The following PMP22 variants were observed in gnomAD, a reference collection of about 807,000 sequenced individuals.
The protein encoded by PMP22 is Charcot-Marie-Tooth neuropathy 1A (greatly reduced nerve conduction velocity, hereditary motor sensory neuropathy Ia).
In PMP22, 2 loss-of-function variants were observed where a neutral mutation model predicts 18.9. That is an observed-to-expected ratio of 0.11 (90% CI 0.04 to 0.33). The LOEUF is 0.33. PMP22 is among the 10% of genes least tolerant of loss of function. PMP22 has a pLI of 1.00. For synonymous variants in PMP22, 95 were observed against 89.2 expected, an observed-to-expected ratio of 1.07 and a Z score of -0.37; for missense variants, 169 against 202.2, an observed-to-expected ratio of 0.84 and a Z score of 1.00.
chr17:15,236,500 G>T (rs899086540), intron 4 of PMP22, among the ~76,000 whole-genome samples: 7 of 152,266 alleles, frequency 4.6e-5, no homozygotes, highest in Middle Eastern at 6.8e-3. Context: ...CCAGTGCATT[G>T]GAGAGGCATT....
chr17:15,264,271 A>ATGGATAG (rs1909568684), intron 1 of PMP22, among the ~76,000 whole-genome samples: 1 of 134,716 alleles, frequency 7.4e-6, no homozygotes, highest in African/African-American at 2.8e-5. Flanking sequence ...TAGATAGATA[A>ATGGATAG]AGATTTATAA....
intron 3 of PMP22, among the ~76,000 whole-genome samples, chr17:15,240,667 A>C (rs1907247612): frequency 1.3e-5 from 2 of 152,176 alleles, no homozygotes; most frequent in African/African-American, 4.8e-5. Flanking sequence ...TGTAGAGGGA[A>C]GCCCAGGGTA....
chr17:15,256,020 A>G (rs1416645412), intron 3 of PMP22, among the ~76,000 whole-genome samples: 1 of 152,186 alleles, frequency 6.6e-6, no homozygotes, highest in African/African-American at 2.4e-5. Flanking sequence ...ATCATAACGA[A>G]TATCCCCACA....
intron 3 of PMP22, among the ~76,000 whole-genome samples, chr17:15,247,348 G>A (rs375521110): frequency 6.6e-6 from 1 of 152,164 alleles, no homozygotes; most frequent in Non-Finnish European, 1.5e-5. Flanking sequence ...CAGCCTGGGC[G>A]ACAGAGCGAG....
At position 15,231,522 on chromosome 17, in the gene PMP22, A is replaced by G. The variant is rs538943042; in HGVS notation, c.320-442T>C. 8.5e-5 allele frequency among the ~76,000 whole-genome samples: 13 copies of G among 152,268 alleles called. No individual in the cohort carries two copies. The South Asian group carries it at 2.5e-3, about 29-fold the overall frequency. On this transcript the variant is annotated intron_variant, in intron 4 of 4. Transcript: ENST00000312280. ...GCCAATGGAAGTGAAGTGACATTTT[A>G]CCATTATTGGAGTCACGCCATGGTA...
intron 1 of PMP22, chr17:15,260,984 C>G (rs962592029): frequency 9.8e-6 from 3 of 306,960 alleles, no homozygotes; most frequent in Non-Finnish European, 1.8e-5. Context: ...CCGGGCCCGC[C>G]TGCAACGGAA....
At chr17:15,247,708 G>A (rs1907962095) in intron 3 of PMP22, among the ~76,000 whole-genome samples, 2 of 152,130 alleles carry the variant, frequency 1.3e-5, no homozygotes, top group Non-Finnish European at 2.9e-5. Context: ...TACCAGCATG[G>A]AACCAACCCT....
rs1201249022 is a variant in PMP22, at chr17:15,260,716, C to T, written c.12G>A (p.Leu4=). 6.4e-7 allele frequency: 1 copy of T among 1,553,214 alleles called. No homozygotes were observed. Among genetic ancestry groups the T allele is most frequent in the Non-Finnish European group, 8.7e-7 (1 of 1,147,754 alleles). Residue 4 remains leucine (L), a synonymous_variant, in exon 2 of 5, where the codon CTG becomes CTA. Transcript: ENST00000312280. MLL[L]LLSIIVLHVA... is the part of the protein sequence containing the mutation. ...CGTGGAGGACGATGATACTCAGCAA[C>T]AGGAGGAGCATTCTGGCGGCAAGTT...
At position 15,240,766 on chromosome 17, in the gene PMP22, G is replaced by A. The variant is rs78156509; in HGVS notation, c.179-1155C>T. Among the ~76,000 whole-genome samples the A allele has an allele frequency of 0.01, 1,562 of 152,284 alleles. 76 individuals are homozygous for A. In the East Asian group the frequency reaches 0.14, roughly 13 times the overall value. ...CTCTCATGGAGGAAGGGCAACTGGG[G>A]AAGCTGCAGCATTTAATCCTTTCAG... On this transcript the variant is annotated intron_variant, in intron 3 of 4. Transcript: ENST00000312280.
chr17:15,250,035 C>T (rs1346361068), intron 3 of PMP22, among the ~76,000 whole-genome samples: 1 of 152,180 alleles, frequency 6.6e-6, no homozygotes, highest in African/African-American at 2.4e-5. Flanking sequence ...CCTGCCTCAG[C>T]CTCCCGAGTA....
intron 1 of PMP22, among the ~76,000 whole-genome samples, chr17:15,264,265 T>C (rs1909567797): frequency 6.6e-6 from 1 of 152,118 alleles, no homozygotes; most frequent in Non-Finnish European, 1.5e-5. Context: ...TATAGATAGA[T>C]AGATAAAGAT....
chr17:15,242,533 C>A (rs373381195), intron 3 of PMP22, among the ~76,000 whole-genome samples: 4 of 151,970 alleles, frequency 2.6e-5, no homozygotes, highest in African/African-American at 9.7e-5. Context: ...GAAAATAAAT[C>A]ATTATGCATA....
chr17:15,244,049 C>T (rs191513304), intron 3 of PMP22, among the ~76,000 whole-genome samples: 11 of 151,854 alleles, frequency 7.2e-5, no homozygotes, highest in East Asian at 1.9e-4. Context: ...ATCTCTAGTT[C>T]GCATCATTAA....
chr17:15,260,660 G>A lies in PMP22; in HGVS notation c.68C>T (p.Thr23Met), dbSNP rs906563423. 2.6e-6 allele frequency: 4 copies of A among 1,552,246 alleles called. No homozygotes were observed. The Admixed American group carries it at 5.9e-5, about 23-fold the overall frequency. Reference sequence around the variant, plus strand: ...CCGCCAGGCACTCACGCTGACGATCGTGGAGACGAACAGCAGCACCAGCAC... The same window carrying A: ...CCGCCAGGCACTCACGCTGACGATCATGGAGACGAACAGCAGCACCAGCAC... The part of the protein sequence containing the change: ...VAVLVLLFVS[T>M]IVSQWIVGNG... Residue 23 changes from threonine to methionine, a missense_variant, in exon 2 of 5, where the codon ACG becomes ATG. Physicochemically the swap from Thr to Met is moderately conservative, Grantham distance 81. Transcript: ENST00000312280.
chr17:15,255,819 G>A (rs959199667), intron 3 of PMP22, among the ~76,000 whole-genome samples: 3 of 152,110 alleles, frequency 2.0e-5, no homozygotes, highest in South Asian at 2.1e-4. Flanking sequence ...TTTCCCATCC[G>A]CTTCCTCCCT....
chr17:15,243,637 A>G (rs991787009), intron 3 of PMP22, among the ~76,000 whole-genome samples: 3 of 149,832 alleles, frequency 2.0e-5, no homozygotes, highest in African/African-American at 7.3e-5. Context: ...ATTAATTGTA[A>G]CTTTATAATA....
chr17:15,254,266 A>G lies in PMP22; in HGVS notation c.178+4828T>C, dbSNP rs149322273. On this transcript the variant is annotated intron_variant, in intron 3 of 4. Transcript: ENST00000312280. ...TTTTTTAAATATCAGCCTGGATTCCATATGAAAAATGAGTCACAGAGGAGC... is the reference window on the plus strand; with the variant it reads ...TTTTTTAAATATCAGCCTGGATTCCGTATGAAAAATGAGTCACAGAGGAGC... Among the ~76,000 whole-genome samples, 1,128 of 152,328 alleles carry G rather than the reference A, an allele frequency of 7.4e-3. 17 individuals carry two copies. Among genetic ancestry groups the G allele is most frequent in the East Asian group, 0.054 (280 of 5,176 alleles).
At position 15,258,759 on chromosome 17, in the gene PMP22, G is replaced by T. The variant is rs184453244; in HGVS notation, c.178+335C>A. The T allele has an allele frequency of 2.6e-6, 1 of 379,964 alleles. No homozygotes were observed. The highest frequency in any genetic ancestry group is 5.1e-6 in the Non-Finnish European group (1 of 197,236). The allele number at this position is 379,964 out of a possible 1,614,324, so 23.5% of individuals were successfully genotyped here. The stretch of plus-strand genomic sequence containing the variant: ...ATACACGTTTGATCCAATGTCCCAA[G>T]GGGGTCTGCCAAAGGCTTAGCTATC... On this transcript the variant is annotated intron_variant, in intron 3 of 4. Coordinates refer to ENST00000312280, the MANE Select transcript of PMP22 (RefSeq NM_000304.4). The surrounding 1 kb of genome is among the most constrained non-coding windows in gnomAD (Gnocchi z 4.1).
Sources: allele counts gnomAD v4.1 joint callset (sites outside exome capture counted in the v4.1 genomes callset), GRCh38; gene constraint gnomAD v4.1.1; non-coding constraint Gnocchi (gnomAD v3.1); transcripts MANE v1.5; gene names NCBI Gene and HGNC (gene_info 2026-07-23, HGNC 2026-07-21).